PRTFDC1: variants seen among roughly 807,000 people sequenced by gnomAD.
PRTFDC1 encodes the protein phosphoribosyl transferase domain containing 1.
PRTFDC1 carries 38 observed loss-of-function variants against 34.6 expected under a neutral mutation model. That is an observed-to-expected ratio of 1.10 (90% CI 0.85 to 1.44). The LOEUF is 1.44. Ranked by LOEUF, PRTFDC1 falls within the 40% of genes most tolerant of loss-of-function variation. PRTFDC1 has a pLI of 0.00. For synonymous variants in PRTFDC1, 93 were observed against 98.1 expected, an observed-to-expected ratio of 0.95 and a Z score of 0.31; for missense variants, 270 against 283.0, an observed-to-expected ratio of 0.95 and a Z score of 0.33.
In PRTFDC1 at chr10:24,856,251, G is replaced by A. The variant is rs186358848; in HGVS notation, c.506+662C>T. 9.6e-4 allele frequency among the ~76,000 whole-genome samples: 145 copies of A among 151,790 alleles called. 1 individual carries two copies. The highest frequency in any genetic ancestry group is 3.4e-3 in the Middle Eastern group (1 of 292). ...ACTACTGCCCTCCAGCTTGGGCTGG[G>A]CGACAGAGCAAGACCCTGTCTCATA... is the stretch of plus-strand genomic sequence containing the variant. On this transcript the variant is annotated intron_variant, in intron 6 of 8. Coordinates refer to ENST00000320152, the MANE Select transcript of PRTFDC1 (RefSeq NM_020200.7).
At chr10:24,881,338 T>G (rs1373952010) in intron 3 of PRTFDC1, among the ~76,000 whole-genome samples, 2 of 152,092 alleles carry the variant, frequency 1.3e-5, no homozygotes, top group Admixed American at 6.6e-5. Flanking sequence ...CCAAAGCACC[T>G]GGCCCCACTT....
intron 3 of PRTFDC1, among the ~76,000 whole-genome samples, chr10:24,902,064 G>T (rs1030273334): frequency 5.3e-5 from 8 of 152,186 alleles, no homozygotes; most frequent in Admixed American, 5.2e-4. Context: ...CTGCACAGCT[G>T]CAGTGGTTAC....
intron 3 of PRTFDC1, among the ~76,000 whole-genome samples, chr10:24,893,036 A>G (rs1848291777): frequency 6.6e-6 from 1 of 152,220 alleles, no homozygotes; most frequent in South Asian, 2.1e-4. Flanking sequence ...TTGCTCATAC[A>G]GTATCAGTCT....
intron 3 of PRTFDC1, among the ~76,000 whole-genome samples, chr10:24,886,547 A>G (rs1296274203): frequency 6.6e-6 from 1 of 152,200 alleles, no homozygotes; most frequent in African/African-American, 2.4e-5. Context: ...TCCACTGTGC[A>G]TGGATCACTT....
chr10:24,900,213 C>T (rs1848427041), intron 3 of PRTFDC1, among the ~76,000 whole-genome samples: 1 of 152,220 alleles, frequency 6.6e-6, no homozygotes, highest in African/African-American at 2.4e-5. Context: ...TTTGCCCCTA[C>T]AGAATTTCCT....
intron 2 of PRTFDC1, among the ~76,000 whole-genome samples, chr10:24,941,062 T>TGTG (rs1564320103): frequency 6.3e-4 from 92 of 145,226 alleles, no homozygotes; most frequent in South Asian, 1.1e-3. Context: ...GTGTGTGTGT[T>TGTG]TGTGTGTTTG....
At chr10:24,888,491 G>A (rs564892969) in intron 3 of PRTFDC1, among the ~76,000 whole-genome samples, 2 of 152,334 alleles carry the variant, frequency 1.3e-5, no homozygotes, top group Middle Eastern at 6.8e-3. Context: ...CTGTAAAAGG[G>A]AAGGGAGCGG....
intron 3 of PRTFDC1, among the ~76,000 whole-genome samples, chr10:24,921,650 C>T (rs1262478921): frequency 6.6e-6 from 1 of 150,480 alleles, no homozygotes; most frequent in Non-Finnish European, 1.5e-5. Context: ...AAGAGTCATC[C>T]TGTTTTTAAT....
At chr10:24,924,500 A>G (rs1183022180) in intron 3 of PRTFDC1, among the ~76,000 whole-genome samples, 4 of 152,238 alleles carry the variant, frequency 2.6e-5, no homozygotes, top group African/African-American at 9.6e-5. Context: ...GAGCTTCTGC[A>G]CAGCAAAAGA....
chr10:24,865,755 C>T (rs368080540), intron 4 of PRTFDC1, among the ~76,000 whole-genome samples: 67 of 152,262 alleles, frequency 4.4e-4, no homozygotes, highest in African/African-American at 1.4e-3. Flanking sequence ...CACACCACAC[C>T]GTCTCATCTG....
At chr10:24,861,684 A>T (rs963208154) in intron 4 of PRTFDC1, among the ~76,000 whole-genome samples, 2 of 152,082 alleles carry the variant, frequency 1.3e-5, no homozygotes, top group Admixed American at 1.3e-4. Context: ...TATTTCTAAA[A>T]AATAGACTTA....
intron 4 of PRTFDC1, among the ~76,000 whole-genome samples, chr10:24,861,827 A>T (rs537109862): frequency 6.6e-6 from 1 of 152,038 alleles, no homozygotes; most frequent in Non-Finnish European, 1.5e-5. Context: ...TTTTTTAGAG[A>T]CAGGATCTCG....
chr10:24,908,612 C>G, intron 3 of PRTFDC1: 1 of 1,612,688 alleles, frequency 6.2e-7, no homozygotes, highest in Non-Finnish European at 8.5e-7. Context: ...GGGAGCACAG[C>G]TACTCATATA....
intron 3 of PRTFDC1, among the ~76,000 whole-genome samples, chr10:24,923,421 T>A (rs1184337866): frequency 6.6e-6 from 1 of 152,034 alleles, no homozygotes; most frequent in African/African-American, 2.4e-5. Flanking sequence ...CTCATACAGG[T>A]GGGTGCCCTT....
intron 3 of PRTFDC1, among the ~76,000 whole-genome samples, chr10:24,910,817 T>A (rs550334621): frequency 1.6e-4 from 24 of 151,258 alleles, no homozygotes; most frequent in South Asian, 1.0e-3. Flanking sequence ...AAAGAAAATT[T>A]AAAAAAAATT....
At chr10:24,912,439 G>A (rs930536140) in intron 3 of PRTFDC1, among the ~76,000 whole-genome samples, 13 of 151,498 alleles carry the variant, frequency 8.6e-5, no homozygotes, top group African/African-American at 3.2e-4. Flanking sequence ...GGCATCCTCT[G>A]GGTGTGAGGC....
intron 3 of PRTFDC1, among the ~76,000 whole-genome samples, chr10:24,891,753 C>T (rs558394804): frequency 6.6e-6 from 1 of 152,250 alleles, no homozygotes; most frequent in Non-Finnish European, 1.5e-5. Flanking sequence ...AGAGTGAGAA[C>T]TTGTCTCATT....
intron 3 of PRTFDC1, among the ~76,000 whole-genome samples, chr10:24,922,761 C>T (rs150381590): frequency 6.6e-6 from 1 of 152,306 alleles, no homozygotes; most frequent in Non-Finnish European, 1.5e-5. Flanking sequence ...GCATTTCCAA[C>T]TGAGGTAGCT....
At chr10:24,862,885 T>G (rs1847706066) in intron 4 of PRTFDC1, among the ~76,000 whole-genome samples, 1 of 151,966 alleles carries the variant, frequency 6.6e-6, no homozygotes, top group South Asian at 2.1e-4. Flanking sequence ...TGTTTTTATT[T>G]TATTTCTTTT....
Sources: allele counts gnomAD v4.1 joint callset (sites outside exome capture counted in the v4.1 genomes callset), GRCh38; gene constraint gnomAD v4.1.1; transcripts MANE v1.5; gene names NCBI Gene and HGNC (gene_info 2026-07-23, HGNC 2026-07-21).